The following SERINC5 variants were observed in gnomAD, a reference collection of about 807,000 sequenced individuals.
SERINC5 encodes serine incorporator 5.
Under a neutral mutation model 63.1 loss-of-function variants are expected in SERINC5, and 41 were observed. That is an observed-to-expected ratio of 0.65 (90% confidence interval 0.51 to 0.84). SERINC5 has a LOEUF of 0.84. Ranked by LOEUF, SERINC5 falls within the 40% of genes least tolerant of loss-of-function variation. SERINC5 has a pLI of 0.00. For synonymous variants in SERINC5, 222 were observed against 215.2 expected (o/e 1.03, Z -0.28); for missense variants, 523 against 573.0 (o/e 0.91, Z 0.89).
chr5:80,141,538 G>C lies in SERINC5; in HGVS notation c.*2125C>G. 1.0e-6 allele frequency: 1 copy of C among 985,432 alleles called. No homozygotes were observed. The highest frequency in any genetic ancestry group is 1.2e-6 in the Non-Finnish European group (1 of 829,946). The allele number at this position is 985,432 out of a possible 1,614,324, so 61.0% of individuals were successfully genotyped here. On this transcript the variant is annotated 3_prime_UTR_variant, in exon 12 of 12. Coordinates refer to ENST00000507668, the MANE Select transcript of SERINC5 (RefSeq NM_001174072.3). ...GCAAGGGCTCTGCTAGACCTCAGCA[G>C]GAGGAAAACAATGAAACTAGTCACA... is the stretch of plus-strand genomic sequence containing the variant.
Position 80,202,939 on chromosome 5 carries a change from C to G in SERINC5, c.142G>C (p.Val48Leu). ...GTTGACATCATGATGCAGCAGAGGACGACGACCAGAATGAAGTAGAGGGCG... is the reference window on the plus strand; with the variant it reads ...GTTGACATCATGATGCAGCAGAGGAGGACGACCAGAATGAAGTAGAGGGCG... ...MYALYFILVVVLCCIMMSTTV... is the reference protein window; with the variant it reads ...MYALYFILVVLLCCIMMSTTV... Residue 48 changes from valine (V) to leucine (L), a missense_variant, in exon 2 of 12, where the codon GTC becomes CTC. Val to Leu is a conservative substitution (Grantham distance 32). Coordinates refer to ENST00000507668, the MANE Select transcript of SERINC5 (RefSeq NM_001174072.3). 6.2e-7 allele frequency: 1 copy of G among 1,613,128 alleles called. No individual in the cohort carries two copies. Among genetic ancestry groups the G allele is most frequent in the Admixed American group, 1.7e-5 (1 of 59,974 alleles).
At chr5:80,244,569 G>A (rs755102788) in intron 1 of SERINC5, among the ~76,000 whole-genome samples, 1 of 151,330 alleles carries the variant, frequency 6.6e-6, no homozygotes, top group Non-Finnish European at 1.5e-5. Context: ...AGTGGCTCAC[G>A]TCTGTAATCC....
Position 80,170,588 on chromosome 5 carries a change from A to C in SERINC5, c.552-1042T>G, listed in dbSNP as rs572428482. On this transcript the variant is annotated intron_variant, in intron 5 of 11. Transcript: ENST00000507668. ...CTTTATTTCCTTTAGCTACCTACAG[A>C]CTTTATTCTAGCTTCTCCATTCTGA... 3.3e-5 allele frequency among the ~76,000 whole-genome samples: 5 copies of C among 152,270 alleles called. No homozygotes were observed. The South Asian group carries it at 1.0e-3, about 32-fold the overall frequency.
chr5:80,114,459 G>A (rs1744252904), intron 11 of SERINC5: 2 of 166,546 alleles, frequency 1.2e-5, no homozygotes, highest in South Asian at 1.0e-4. Context: ...TTCGAGACCA[G>A]CCTGGCCAAC....
chr5:80,220,064 C>T lies in SERINC5; in HGVS notation c.28-17011G>A, dbSNP rs545548425. 2.0e-5 allele frequency among the ~76,000 whole-genome samples: 3 copies of T among 152,242 alleles called. No individual in the cohort carries two copies. The East Asian group carries it at 5.8e-4, about 29-fold the overall frequency. On this transcript the variant is annotated intron_variant, in intron 1 of 11. Coordinates refer to ENST00000507668, the MANE Select transcript of SERINC5 (RefSeq NM_001174072.3). ...CTCTACTAAAAATACAAAAAACTAGCTGGGTATGGTGGCACATGCCTGTAA... is the reference window on the plus strand; with the variant it reads ...CTCTACTAAAAATACAAAAAACTAGTTGGGTATGGTGGCACATGCCTGTAA...
chr5:80,136,427 A>G (rs1362515114), downstream of SERINC5, among the ~76,000 whole-genome samples: 1 of 152,244 alleles, frequency 6.6e-6, no homozygotes, highest in African/African-American at 2.4e-5. Flanking sequence ...AACAATTAGC[A>G]CAACAATGGG....
At chr5:80,247,859 G>A (rs987768107) in intron 1 of SERINC5, among the ~76,000 whole-genome samples, 3 of 152,046 alleles carry the variant, frequency 2.0e-5, no homozygotes, top group African/African-American at 7.2e-5. Flanking sequence ...AGAAAGTTTT[G>A]TTGTTTAAGA....
At chr5:80,239,110 G>A (rs138551948) in intron 1 of SERINC5, among the ~76,000 whole-genome samples, 8 of 152,322 alleles carry the variant, frequency 5.3e-5, no homozygotes, top group Middle Eastern at 3.4e-3. Context: ...ATATGCCACT[G>A]CCTTAAGGAT....
chr5:80,191,759 C>T (rs1580143146), intron 2 of SERINC5, among the ~76,000 whole-genome samples: 1 of 150,298 alleles, frequency 6.7e-6, no homozygotes, highest in Non-Finnish European at 1.5e-5. Flanking sequence ...GACATAATTA[C>T]TATTAAACAT....
intron 6 of SERINC5, chr5:80,166,937 G>C (rs764976958): frequency 6.4e-6 from 1 of 156,444 alleles, no homozygotes; most frequent in Non-Finnish European, 1.4e-5. Context: ...TACAGTCTAT[G>C]ACAGGGCAAA....
At chr5:80,164,828 T>C (rs1464933078) in intron 7 of SERINC5, among the ~76,000 whole-genome samples, 1 of 152,108 alleles carries the variant, frequency 6.6e-6, no homozygotes, top group Non-Finnish European at 1.5e-5. Flanking sequence ...CTTCCCTGTG[T>C]ATGCTGTGGT....
Position 80,143,731 on chromosome 5 carries a change from A to G in SERINC5, c.1318T>C (p.Cys440Arg). ...AGCGTACACAGGTACAACAGCACGC[A>G]TATCCAGCAGGAGGCCATCTTGACC... ...FWVKMASCWI[C>R]VLLYLCTLVA... The change falls in exon 12 of 12, where the codon TGC (cysteine) becomes CGC (arginine). Residue 440 changes from cysteine to arginine, a missense_variant. Transcript: ENST00000507668. 3.3e-6 allele frequency: 5 copies of G among 1,536,162 alleles called. No homozygotes were observed. The highest frequency in any genetic ancestry group is 1.7e-4 in the Middle Eastern group (1 of 5,992).
At chr5:80,244,524 T>C (rs1228495010) in intron 1 of SERINC5, among the ~76,000 whole-genome samples, 3 of 151,948 alleles carry the variant, frequency 2.0e-5, no homozygotes, top group Admixed American at 2.0e-4. Context: ...CTTACTCTTT[T>C]TTTTATTTTT....
chr5:80,171,295 C>T (rs140483326), intron 5 of SERINC5, among the ~76,000 whole-genome samples: 31 of 152,274 alleles, frequency 2.0e-4, no homozygotes, highest in African/African-American at 7.5e-4. Flanking sequence ...GCATGAGCCA[C>T]TGTGCCTGGC....
rs534572270 is a variant in SERINC5, at chr5:80,239,212, C to T, written c.27+16684G>A. Reference sequence around the variant, plus strand: ...CATCTGAGAATGGCAACGCAGGACCCGGAGCAACGGGCATTACGCCCATCA... The same window carrying T: ...CATCTGAGAATGGCAACGCAGGACCTGGAGCAACGGGCATTACGCCCATCA... On this transcript the variant is annotated intron_variant, in intron 1 of 11. Coordinates refer to ENST00000507668, the MANE Select transcript of SERINC5 (RefSeq NM_001174072.3). Among the ~76,000 whole-genome samples the T allele has an allele frequency of 9.8e-5, 15 of 152,324 alleles. No homozygotes were observed. The East Asian group carries it at 2.1e-3, about 22-fold the overall frequency.
At chr5:80,237,383 G>C (rs899957987) in intron 1 of SERINC5, among the ~76,000 whole-genome samples, 1 of 151,584 alleles carries the variant, frequency 6.6e-6, no homozygotes, top group Non-Finnish European at 1.5e-5. Flanking sequence ...ACCCAGGCTG[G>C]GTTGCAGTGG....
intron 1 of SERINC5, among the ~76,000 whole-genome samples, chr5:80,224,333 C>T (rs1751068268): frequency 6.6e-6 from 1 of 151,784 alleles, no homozygotes; most frequent in African/African-American, 2.4e-5. Context: ...AAAAATTAGC[C>T]AGGCTTGGTG....
chr5:80,143,264 C>A lies in SERINC5; in HGVS notation c.*399G>T, dbSNP rs1021356693. On this transcript the variant is annotated 3_prime_UTR_variant, in exon 12 of 12. Transcript: ENST00000507668. ...AGAGGGGTCTGGATTCTGTTAGGCG[C>A]TGGGGACTCAAGATTTTGGCATGTT... is the stretch of plus-strand genomic sequence containing the variant. The A allele has an allele frequency of 1.1e-5, 11 of 1,001,478 alleles. No homozygotes were observed. The highest frequency in any genetic ancestry group is 1.2e-5 in the Non-Finnish European group (10 of 839,876). The allele number at this position is 1,001,478 out of a possible 1,614,324, so 62.0% of individuals were successfully genotyped here.
intron 1 of SERINC5, among the ~76,000 whole-genome samples, chr5:80,221,885 G>A (rs1211051951): frequency 2.6e-5 from 4 of 151,856 alleles, no homozygotes; most frequent in African/African-American, 4.8e-5. Context: ...GGTGGTTCAC[G>A]CCTATAATCC....
Sources: allele counts gnomAD v4.1 joint callset (sites outside exome capture counted in the v4.1 genomes callset), GRCh38; gene constraint gnomAD v4.1.1; transcripts MANE v1.5; gene names NCBI Gene and HGNC (gene_info 2026-07-23, HGNC 2026-07-21).